SCARA5: variants seen among roughly 807,000 people sequenced by gnomAD.
The protein encoded by SCARA5 is scavenger receptor class A member 5, also known as scavenger receptor class A, member 5 (putative).
SCARA5 carries 45 observed loss-of-function variants against 46.3 expected under a neutral mutation model. The ratio of observed to expected loss-of-function variants is 0.97; its 90% CI spans 0.76 to 1.24. SCARA5 has a LOEUF of 1.24. Ranked by LOEUF, SCARA5 falls within the 50% of genes most tolerant of loss-of-function variation. The pLI is 0.00. For synonymous variants in SCARA5, 333 were observed against 306.5 expected (o/e 1.09, Z -0.90); for missense variants, 680 against 689.0 (o/e 0.99, Z 0.15).
At chr8:27,992,053 G>A (rs1585533162) in intron 1 of SCARA5, among the ~76,000 whole-genome samples, 1 of 152,148 alleles carries the variant, frequency 6.6e-6, no homozygotes, top group Admixed American at 6.5e-5. Context: ...ATTCTCTCCA[G>A]CCCAGGCAGT....
intron 4 of SCARA5, among the ~76,000 whole-genome samples, chr8:27,920,631 A>AACAAAC (rs1807567768): frequency 1.4e-5 from 2 of 147,062 alleles, no homozygotes; most frequent in Non-Finnish European, 3.0e-5. Flanking sequence ...AAAAACCAAA[A>AACAAAC]CAAAACAAAA....
chr8:27,906,342 A>G (rs976421879), intron 6 of SCARA5, among the ~76,000 whole-genome samples: 1 of 152,264 alleles, frequency 6.6e-6, no homozygotes, highest in African/African-American at 2.4e-5. Flanking sequence ...CTGTAAAAGT[A>G]GGTTCCCCTA....
chr8:27,973,574 G>A (rs2129956076), intron 2 of SCARA5, among the ~76,000 whole-genome samples: 1 of 152,318 alleles, frequency 6.6e-6, no homozygotes, highest in East Asian at 1.9e-4. Context: ...AACTGTAGAA[G>A]CTAATCACTG....
intron 3 of SCARA5, among the ~76,000 whole-genome samples, chr8:27,942,014 AGACAGGGTTTTGCCATGTTG>A (rs1165678293): frequency 6.6e-6 from 1 of 151,786 alleles, no homozygotes; most frequent in African/African-American, 2.4e-5. Context: ...TTTTTAGAAG[AGACAGGGTTTTGCCATGTTG>A]CCCAGGCTGG....
intron 3 of SCARA5, among the ~76,000 whole-genome samples, chr8:27,929,067 A>T (rs1807726552): frequency 6.6e-6 from 1 of 152,216 alleles, no homozygotes; most frequent in Admixed American, 6.5e-5. Context: ...CCATGTAGAG[A>T]TTCAAATTAA....
chr8:27,985,783 G>T (rs1029712212), intron 2 of SCARA5, among the ~76,000 whole-genome samples: 1 of 152,196 alleles, frequency 6.6e-6, no homozygotes, highest in Non-Finnish European at 1.5e-5. Flanking sequence ...TAGCATCAGG[G>T]AACCCTGGGA....
intron 8 of SCARA5, among the ~76,000 whole-genome samples, chr8:27,876,133 C>T (rs1440416100): frequency 6.6e-6 from 1 of 152,228 alleles, no homozygotes; most frequent in Non-Finnish European, 1.5e-5. Context: ...CCACCCCACA[C>T]TTGTAGATAA....
intron 7 of SCARA5, among the ~76,000 whole-genome samples, chr8:27,889,462 C>T (rs746646513): frequency 5.9e-5 from 9 of 152,108 alleles, no homozygotes; most frequent in Non-Finnish European, 1.0e-4. Context: ...AGAGAGGTGA[C>T]GTGCCTTACC....
At position 27,922,256 on chromosome 8, in the gene SCARA5, G is replaced by A. The variant is rs2129816874; in HGVS notation, c.242-11C>T. On this transcript the variant is annotated splice_polypyrimidine_tract_variant and intron_variant, in intron 3 of 8. Coordinates refer to ENST00000354914, the MANE Select transcript of SCARA5 (RefSeq NM_173833.6). ...TGCGCGGCCTGGACACTGCGGAGGAGGAAGAGGGGAGACTTGAGCACCGCT... is the reference window on the plus strand; with the variant it reads ...TGCGCGGCCTGGACACTGCGGAGGAAGAAGAGGGGAGACTTGAGCACCGCT... The A allele has an allele frequency of 2.0e-6, 3 of 1,505,872 alleles. No homozygotes were observed. In the East Asian group the frequency reaches 7.3e-5, roughly 37 times the overall value. 93.3% of individuals were successfully genotyped at this position (1,505,872 alleles called of 1,614,324 possible). A position where few individuals can be genotyped will look rare whatever the true frequency, so the allele number is the denominator to read the frequency against.
intron 2 of SCARA5, among the ~76,000 whole-genome samples, chr8:27,979,852 T>C (rs1255792408): frequency 1.3e-5 from 2 of 152,172 alleles, no homozygotes; most frequent in Non-Finnish European, 2.9e-5. Flanking sequence ...TGAGTCACCA[T>C]GCCTGGCCCC....
chr8:27,988,053 G>A (rs1009421349), intron 1 of SCARA5, among the ~76,000 whole-genome samples: 17 of 152,180 alleles, frequency 1.1e-4, no homozygotes, highest in Non-Finnish European at 1.6e-4. Context: ...AGAGACTTGA[G>A]CTTCTGTTCT....
chr8:27,898,302 C>T (rs887421407), intron 7 of SCARA5, among the ~76,000 whole-genome samples: 1 of 152,176 alleles, frequency 6.6e-6, no homozygotes, highest in African/African-American at 2.4e-5. Flanking sequence ...GGAAGAGTCA[C>T]TGGATTTGTT....
intron 7 of SCARA5, among the ~76,000 whole-genome samples, chr8:27,891,378 G>A (rs1346629746): frequency 6.6e-6 from 1 of 151,966 alleles, no homozygotes; most frequent in Non-Finnish European, 1.5e-5. Flanking sequence ...GCTACTTTTT[G>A]TATTTTTAGT....
At chr8:27,992,147 GAAGTTTCCC>G (rs984760888) in intron 1 of SCARA5, 101 bp downstream of exon 1, 11 of 152,262 alleles carry the variant, frequency 7.2e-5, no homozygotes, top group African/African-American at 2.7e-4. Flanking sequence ...CTCTAGGTCT[GAAGTTTCCC>G]AAACTCTGTA....
intron 3 of SCARA5, among the ~76,000 whole-genome samples, chr8:27,947,846 G>A (rs1205201126): frequency 6.6e-6 from 1 of 152,158 alleles, no homozygotes; most frequent in African/African-American, 2.4e-5. Flanking sequence ...CTGTACTCCA[G>A]TCTAGGTGAC....
In SCARA5 at chr8:27,921,811, C is replaced by G; in HGVS notation, c.676G>C (p.Val226Leu). Residue 226 changes from valine to leucine, a missense_variant, in exon 4 of 9, where the codon GTG becomes CTG. Physicochemically the swap from Val to Leu is conservative, Grantham distance 32. Coordinates refer to ENST00000354914, the MANE Select transcript of SCARA5 (RefSeq NM_173833.6). ...LGEELADVGGVLRGLNHSLSY... is the reference protein window; with the variant it reads ...LGEELADVGGLLRGLNHSLSY... ...AGGCTGTGGTTGAGGCCGCGCAGCA[C>G]GCCGCCCACGTCGGCCAGCTCCTCG... The G allele has an allele frequency of 6.4e-7, 1 of 1,553,568 alleles. No homozygotes were observed.
chr8:27,921,232 G>T (rs930505441), intron 4 of SCARA5, among the ~76,000 whole-genome samples: 11 of 152,180 alleles, frequency 7.2e-5, no homozygotes, highest in Non-Finnish European at 1.3e-4. Flanking sequence ...GCTCTTGGAG[G>T]CTCCAGCACA....
intron 7 of SCARA5, among the ~76,000 whole-genome samples, chr8:27,882,128 A>T (rs1455541514): frequency 6.6e-6 from 1 of 152,176 alleles, no homozygotes; most frequent in Non-Finnish European, 1.5e-5. Context: ...TTGGAATCAT[A>T]CAGTATGCAG....
At chr8:27,916,461 A>T (rs1204616120) in intron 4 of SCARA5, among the ~76,000 whole-genome samples, 1 of 152,102 alleles carries the variant, frequency 6.6e-6, no homozygotes, top group Non-Finnish European at 1.5e-5. Context: ...ATGTGCAGGT[A>T]TGCGTATATG....
Sources: gnomAD v4.1 joint callset for allele counts (sites outside exome capture counted in the v4.1 genomes callset) on GRCh38, gnomAD v4.1.1 for gene constraint, MANE v1.5 for transcripts, NCBI Gene and HGNC (gene_info 2026-07-23, HGNC 2026-07-21) for gene names.